Variants in TANGO2 observed in about 807,000 individuals in gnomAD.
TANGO2 encodes transport and golgi organization 2 homolog, also known as transport and Golgi organization protein 2 homolog.
A neutral mutation model predicts 39.1 loss-of-function variants in TANGO2; 26 were observed. That is an observed-to-expected ratio of 0.67 (90% CI 0.49 to 0.92). The LOEUF is 0.92. Ranked by LOEUF, TANGO2 falls within the 40% of genes least tolerant of loss-of-function variation. The probability of loss-of-function intolerance (pLI) is 0.00; values close to 1 mark genes in which losing one functional copy is unlikely to be tolerated. For synonymous variants in TANGO2, 131 were observed against 144.5 expected (o/e 0.91, Z 0.67); for missense variants, 326 against 360.1 (o/e 0.91, Z 0.77).
At chr22:20,043,321 A>G (rs762539824) in intron 2 of TANGO2, 34 bp from the exon 3 acceptor site, 2 of 1,518,382 alleles carry the variant, frequency 1.3e-6, no homozygotes, top group Admixed American at 1.7e-5. Context: ...GCTCGTTTCC[A>G]TCTGAAGCCA....
chr22:20,029,232 G>A (rs1569239143), intron 1 of TANGO2, among the ~76,000 whole-genome samples: 1 of 152,214 alleles, frequency 6.6e-6, no homozygotes, highest in African/African-American at 2.4e-5. Flanking sequence ...GAGAAGCCAG[G>A]GGAGGAGCCC....
chr22:20,022,237 A>G (rs2039850427), intron 1 of TANGO2, among the ~76,000 whole-genome samples: 1 of 152,270 alleles, frequency 6.6e-6, no homozygotes, highest in African/African-American at 2.4e-5. Flanking sequence ...ATTCAGAGCC[A>G]GGGCCTGCTC....
At chr22:20,043,626 C>T (rs1036663658) in intron 3 of TANGO2, among the ~76,000 whole-genome samples, 183 bp downstream of exon 3, 1 of 152,164 alleles carries the variant, frequency 6.6e-6, no homozygotes, top group African/African-American at 2.4e-5. Context: ...GCTGCCCACC[C>T]AGCACTGTCT....
intron 5 of TANGO2, chr22:20,054,315 C>G (rs886673505): frequency 6.4e-6 from 1 of 156,488 alleles, no homozygotes; most frequent in Non-Finnish European, 1.4e-5. Context: ...TGTCCGGAGC[C>G]GTTCTTCCTG....
intron 3 of TANGO2, among the ~76,000 whole-genome samples, chr22:20,050,214 A>G (rs2046035991): frequency 6.6e-6 from 1 of 152,134 alleles, no homozygotes; most frequent in Admixed American, 6.5e-5. Context: ...CTAAAAAACA[A>G]AAACAAACAA....
intron 3 of TANGO2, among the ~76,000 whole-genome samples, chr22:20,044,123 C>G (rs1251435629): frequency 6.6e-6 from 1 of 152,188 alleles, no homozygotes; most frequent in Non-Finnish European, 1.5e-5. Context: ...GCCTGCGTAC[C>G]AGGCGCCAAG....
chr22:20,028,689 G>T (rs940873927), intron 1 of TANGO2, among the ~76,000 whole-genome samples: 1 of 152,250 alleles, frequency 6.6e-6, no homozygotes, highest in Non-Finnish European at 1.5e-5. Context: ...ACGGTCAGAT[G>T]CCTGATGCCT....
intron 1 of TANGO2, among the ~76,000 whole-genome samples, chr22:20,031,035 T>C (rs1419478687): frequency 6.6e-6 from 1 of 151,882 alleles, no homozygotes; most frequent in Non-Finnish European, 1.5e-5. Context: ...CCATCTCTAC[T>C]AAAAATACAA....
At chr22:20,045,925 T>C (rs758810332) in intron 3 of TANGO2, among the ~76,000 whole-genome samples, 59 of 152,158 alleles carry the variant, frequency 3.9e-4, no homozygotes, top group Non-Finnish European at 5.9e-4. Context: ...TGCGTACTTT[T>C]CTCGGTGCCC....
chr22:20,061,458 G>A lies in TANGO2; in HGVS notation c.452-72G>A, dbSNP rs190445857. On this transcript the variant is annotated intron_variant, in intron 6 of 8. Coordinates refer to ENST00000327374, the MANE Select transcript of TANGO2 (RefSeq NM_152906.7). Reference sequence around the variant, plus strand: ...CCCCAGCTGTACCCCGTGTTAGGTGGGTGGCAGGTGGCAATTTGCCCTGAC... The same window carrying A: ...CCCCAGCTGTACCCCGTGTTAGGTGAGTGGCAGGTGGCAATTTGCCCTGAC... 16 of 1,493,240 alleles carry A rather than the reference G, an allele frequency of 1.1e-5. No homozygotes were observed. The East Asian group carries it at 2.6e-4, about 25-fold the overall frequency. The allele number at this position is 1,493,240 out of a possible 1,614,324, so 92.5% of individuals were successfully genotyped here.
intron 1 of TANGO2, 57 bp from the exon 2 acceptor site, chr22:20,036,703 G>T: frequency 6.7e-7 from 1 of 1,492,024 alleles, no homozygotes; most frequent in Non-Finnish European, 9.3e-7. Context: ...TGCAGGTTCG[G>T]AGGGCAGCCC....
chr22:20,036,952 G>T, intron 2 of TANGO2, 98 bp downstream of exon 2: 2 of 1,612,976 alleles, frequency 1.2e-6, no homozygotes, highest in Non-Finnish European at 1.7e-6. Context: ...AAGGTGTGTG[G>T]GCCAGGACGG....
chr22:20,017,632 T>C (rs567660971), upstream of TANGO2, among the ~76,000 whole-genome samples: 2 of 152,186 alleles, frequency 1.3e-5, no homozygotes, highest in Non-Finnish European at 2.9e-5. Context: ...TGTGCGTTTA[T>C]GCCCGCACCC....
Position 20,063,439 on chromosome 22 carries a change from C to A in TANGO2, c.707C>A (p.Thr236Asn). 1 of 1,611,912 alleles carries A rather than the reference C, an allele frequency of 6.2e-7. No homozygotes were observed. The highest frequency in any genetic ancestry group is 8.5e-7 in the Non-Finnish European group (1 of 1,178,908). Residue 236 changes from threonine (T) to asparagine (N), a missense_variant, in exon 8 of 9, where the codon ACC becomes AAC. Transcript: ENST00000327374. Reference protein sequence around the residue: ...AVCVRCPGYGTRTNTIILVDA... With the variant: ...AVCVRCPGYGNRTNTIILVDA... Reference sequence around the variant, plus strand: ...TGCGTGCGCTGCCCTGGCTACGGCACCAGGTATTGCAGCACCGTGGGTGCG... The same window carrying A: ...TGCGTGCGCTGCCCTGGCTACGGCAACAGGTATTGCAGCACCGTGGGTGCG...
At chr22:20,022,338 A>C (rs991322752) in intron 1 of TANGO2, among the ~76,000 whole-genome samples, 1 of 152,144 alleles carries the variant, frequency 6.6e-6, no homozygotes, top group Non-Finnish European at 1.5e-5. Flanking sequence ...GAGCAGCTGG[A>C]GAGGGTGACC....
intron 7 of TANGO2, chr22:20,063,115 C>A: frequency 3.9e-6 from 2 of 508,702 alleles, no homozygotes; most frequent in Non-Finnish European, 7.0e-6. Flanking sequence ...AAGATCGTAC[C>A]ATTGCGCTCT....
chr22:20,056,995 A>G, intron 6 of TANGO2: 1 of 454,938 alleles, frequency 2.2e-6, no homozygotes, highest in Non-Finnish European at 4.4e-6. Flanking sequence ...GGGCTCCCTC[A>G]CACCCCTGGC....
chr22:20,049,660 CAAAAAAA>C (rs695789), intron 3 of TANGO2, among the ~76,000 whole-genome samples: 15 of 87,134 alleles, frequency 1.7e-4, no homozygotes, highest in South Asian at 3.7e-4. Context: ...AACTCTGTCT[CAAAAAAA>C]AAAAAAAAAA....
At chr22:20,037,095 G>T in intron 2 of TANGO2, 2 of 1,526,574 alleles carry the variant, frequency 1.3e-6, no homozygotes, top group East Asian at 2.3e-5. Context: ...GCAGCCACAG[G>T]TAGGACAGAG....
Sources: allele counts gnomAD v4.1 joint callset (sites outside exome capture counted in the v4.1 genomes callset), GRCh38; gene constraint gnomAD v4.1.1; transcripts MANE v1.5; gene names NCBI Gene and HGNC (gene_info 2026-07-23, HGNC 2026-07-21).